Variants in DDAH1 observed in about 807,000 individuals in gnomAD.
DDAH1 encodes dimethylarginine dimethylaminohydrolase 1, also known as N(G),N(G)-dimethylarginine dimethylaminohydrolase 1.
A neutral mutation model predicts 28.8 loss-of-function variants in DDAH1; 19 were observed. That is an observed-to-expected ratio of 0.66 (90% CI 0.46 to 0.97). The LOEUF is 0.97. Among genes scored for constraint, DDAH1 ranks in the 50% least tolerant of loss-of-function variants. DDAH1 has a pLI of 0.00. For missense variants in DDAH1, 326 were observed against 375.9 expected (o/e 0.87, Z 1.10); for synonymous variants, 153 against 154.4 (o/e 0.99, Z 0.07).
chr1:85,440,164 A>G (rs995369511), intron 1 of DDAH1, among the ~76,000 whole-genome samples: 1 of 152,218 alleles, frequency 6.6e-6, no homozygotes, highest in Admixed American at 6.5e-5. Context: ...GATGTATCTG[A>G]TATTTATGAG....
intron 1 of DDAH1, among the ~76,000 whole-genome samples, chr1:85,541,827 C>A (rs1658480323): frequency 6.6e-6 from 1 of 152,102 alleles, no homozygotes; most frequent in Non-Finnish European, 1.5e-5. Flanking sequence ...TTCAGCCACG[C>A]AAGGACAAAG....
intron 1 of DDAH1, among the ~76,000 whole-genome samples, chr1:85,430,329 G>C (rs978156298): frequency 6.6e-5 from 10 of 152,156 alleles, no homozygotes; most frequent in Non-Finnish European, 1.5e-4. Context: ...AAGTCAGGTA[G>C]TGTGATGCCT....
At chr1:85,410,286 A>G (rs954038914) in intron 1 of DDAH1, among the ~76,000 whole-genome samples, 3 of 152,088 alleles carry the variant, frequency 2.0e-5, no homozygotes, top group Admixed American at 1.3e-4. Flanking sequence ...TTCTCAAGGG[A>G]AAAAAAATAG....
At chr1:85,377,412 T>C (rs1650729615) in intron 1 of DDAH1, among the ~76,000 whole-genome samples, 1 of 152,106 alleles carries the variant, frequency 6.6e-6, no homozygotes, top group African/African-American at 2.4e-5. Flanking sequence ...TTGGCTGGGA[T>C]TTCATCATTT....
intron 1 of DDAH1, among the ~76,000 whole-genome samples, chr1:85,561,700 A>G (rs751364659): frequency 3.3e-5 from 5 of 152,192 alleles, no homozygotes; most frequent in African/African-American, 7.2e-5. Context: ...GACACAATTA[A>G]AATGGTATAA....
chr1:85,507,117 C>T (rs578131892), intron 1 of DDAH1, among the ~76,000 whole-genome samples: 4 of 152,152 alleles, frequency 2.6e-5, no homozygotes, highest in Non-Finnish European at 4.4e-5. Flanking sequence ...TCTTTCCATA[C>T]ACACACAAAT....
At chr1:85,556,543 G>C (rs551077728) in intron 1 of DDAH1, among the ~76,000 whole-genome samples, 2 of 152,168 alleles carry the variant, frequency 1.3e-5, no homozygotes, top group Non-Finnish European at 2.9e-5. Flanking sequence ...ACATTATCTA[G>C]ATGCAGAATT....
At chr1:85,547,556 C>T (rs189282634) in intron 1 of DDAH1, among the ~76,000 whole-genome samples, 1 of 152,310 alleles carries the variant, frequency 6.6e-6, no homozygotes, top group Admixed American at 6.5e-5. Flanking sequence ...CATTTTCAAC[C>T]AGTACTGTCA....
At chr1:85,520,206 C>G (rs537372518) in intron 1 of DDAH1, among the ~76,000 whole-genome samples, 1 of 152,134 alleles carries the variant, frequency 6.6e-6, no homozygotes, top group Non-Finnish European at 1.5e-5. Context: ...ATATCTGAAA[C>G]ATGGTACAAG....
intron 1 of DDAH1, among the ~76,000 whole-genome samples, chr1:85,522,480 C>A (rs1289901329): frequency 1.4e-5 from 2 of 146,240 alleles, no homozygotes; most frequent in Non-Finnish European, 3.0e-5. Context: ...TAATTCTGTG[C>A]TAAGCTACTG....
At chr1:85,470,260 GA>G (rs1655573587) in intron 2 of DDAH1, among the ~76,000 whole-genome samples, 1 of 152,210 alleles carries the variant, frequency 6.6e-6, no homozygotes, top group Non-Finnish European at 1.5e-5. Context: ...AATCATGGTG[GA>G]AGGCAAAAAT....
At chr1:85,357,537 G>T (rs954518066) in intron 2 of DDAH1, among the ~76,000 whole-genome samples, 6 of 152,140 alleles carry the variant, frequency 3.9e-5, no homozygotes, top group African/African-American at 1.2e-4. Context: ...AACAAAAATG[G>T]CTATATCTTG....
chr1:85,371,685 A>G (rs1650393719), intron 1 of DDAH1, among the ~76,000 whole-genome samples: 1 of 152,186 alleles, frequency 6.6e-6, no homozygotes, highest in East Asian at 1.9e-4. Flanking sequence ...TCCAAAATAC[A>G]TTCACACTGT....
intron 4 of DDAH1, 71 bp downstream of exon 4, chr1:85,350,344 C>G: frequency 6.4e-7 from 1 of 1,565,964 alleles, no homozygotes; most frequent in Non-Finnish European, 8.6e-7. Context: ...ACTCCCCCAG[C>G]AGAGAGAATG....
chr1:85,413,229 T>A (rs891930907), intron 1 of DDAH1, among the ~76,000 whole-genome samples: 1 of 152,232 alleles, frequency 6.6e-6, no homozygotes, highest in Admixed American at 6.5e-5. Context: ...GGAAATTTAC[T>A]TAAAGTTTTA....
intron 1 of DDAH1, among the ~76,000 whole-genome samples, chr1:85,546,518 T>A (rs1003072695): frequency 2.6e-5 from 4 of 152,130 alleles, no homozygotes; most frequent in African/African-American, 9.7e-5. Flanking sequence ...ATCTCTAAAC[T>A]GTCAGATTCA....
intron 1 of DDAH1, among the ~76,000 whole-genome samples, chr1:85,445,616 CTTAT>C (rs1654398044): frequency 6.6e-6 from 1 of 152,110 alleles, no homozygotes; most frequent in Non-Finnish European, 1.5e-5. Context: ...TACTTACCTA[CTTAT>C]TTATTTTTGA....
rs115789858 is a variant in DDAH1, at chr1:85,576,244, G to C, written c.-123+1740C>G. 7.3e-3 allele frequency among the ~76,000 whole-genome samples: 1,111 copies of C among 152,244 alleles called. 13 individuals carry two copies. Among genetic ancestry groups the C allele is most frequent in the African/African-American group, 0.026 (1,061 of 41,528 alleles). ...AATTTCTGACTAATTTATTAGAGGG[G>C]ATGACATGAGATTTGGCCCTGAAAG... On this transcript the variant is annotated intron_variant, in intron 1 of 6. Coordinates refer to the DDAH1 transcript ENST00000426972.
intron 1 of DDAH1, among the ~76,000 whole-genome samples, chr1:85,374,103 C>T (rs1005094762): frequency 6.6e-6 from 1 of 152,126 alleles, no homozygotes; most frequent in Non-Finnish European, 1.5e-5. Flanking sequence ...CAAATACTAA[C>T]GTGACTCTAG....
Sources: allele counts gnomAD v4.1 joint callset (sites outside exome capture counted in the v4.1 genomes callset), GRCh38; gene constraint gnomAD v4.1.1; transcripts MANE v1.5; gene names NCBI Gene and HGNC (gene_info 2026-07-23, HGNC 2026-07-21).